The following ABL1 variants were observed in gnomAD, a reference collection of about 807,000 sequenced individuals.
The protein encoded by ABL1 is tyrosine-protein kinase ABL1.
ABL1 carries 11 observed loss-of-function variants against 94.7 expected under a neutral mutation model. That is an observed-to-expected ratio of 0.12 (90% CI 0.07 to 0.19). The LOEUF (loss-of-function observed/expected upper bound fraction) is 0.19, where lower values mean the gene tolerates loss of function less well. Ranked by LOEUF, ABL1 falls within the 10% of genes least tolerant of loss-of-function variation. The probability of loss-of-function intolerance (pLI) is 1.00; values close to 1 mark genes in which losing one functional copy is unlikely to be tolerated. For missense variants in ABL1, 1,082 were observed against 1,489.4 expected, an observed-to-expected ratio of 0.73 and a Z score of 4.50; for synonymous variants, 656 against 622.4, an observed-to-expected ratio of 1.05 and a Z score of -0.80.
At chr9:130,722,801 TAAAG>T (rs956686287) in intron 1 of ABL1, among the ~76,000 whole-genome samples, 2 of 152,146 alleles carry the variant, frequency 1.3e-5, no homozygotes, top group African/African-American at 4.8e-5. Context: ...GTGGGGTAAG[TAAAG>T]AAAGATGATC....
intron 4 of ABL1, among the ~76,000 whole-genome samples, chr9:130,867,501 A>G (rs1052543614): frequency 3.3e-5 from 5 of 152,230 alleles, no homozygotes; most frequent in African/African-American, 4.8e-5. Flanking sequence ...ATCAGGGACC[A>G]TGTGCATTTA....
Position 130,885,627 on chromosome 9 carries a change from G to T in ABL1, c.3337G>T (p.Asp1113Tyr). 1 of 1,613,296 alleles carries T rather than the reference G, an allele frequency of 6.2e-7. No homozygotes were observed. Among genetic ancestry groups the T allele is most frequent in the South Asian group, 1.1e-5 (1 of 91,056 alleles). Reference protein sequence around the residue: ...TAGSGPAATQDFSKLLSSVKE... With the variant: ...TAGSGPAATQYFSKLLSSVKE... ...AGGCAGTGGTCCAGCGGCCACTCAGGACTTCAGCAAGCTCCTCAGTTCGGT... is the reference window on the plus strand; with the variant it reads ...AGGCAGTGGTCCAGCGGCCACTCAGTACTTCAGCAAGCTCCTCAGTTCGGT... Residue 1113 changes from aspartate to tyrosine, a missense_variant, in exon 11 of 11, where the codon GAC becomes TAC. By Grantham distance (160) the Asp-to-Tyr change is radical. Around this residue, in one of 7 missense-constraint regions of ABL1, gnomAD observed 780 missense variants for 835.8 expected, o/e 0.93. Transcript: ENST00000318560.
intron 1 of ABL1, among the ~76,000 whole-genome samples, chr9:130,741,856 T>C (rs1177525373): frequency 6.6e-6 from 1 of 151,186 alleles, no homozygotes; most frequent in African/African-American, 2.5e-5. Flanking sequence ...AAGAACAACG[T>C]ACTGAAAAGG....
chr9:130,716,676 A>G (rs1209363558), intron 1 of ABL1, among the ~76,000 whole-genome samples: 1 of 152,192 alleles, frequency 6.6e-6, no homozygotes, highest in Non-Finnish European at 1.5e-5. Context: ...AATCTTTCAA[A>G]GAAAACAACA....
In ABL1 at chr9:130,855,033, C is replaced by T. The variant is rs1234864925; in HGVS notation, c.486C>T (p.Ser162=). Residue 162 remains serine, a synonymous_variant, in exon 3 of 11, where the codon TCC becomes TCT. Transcript: ENST00000318560. ...GTGAGAGCAGTCCTGGCCAGAGGTC[C>T]ATCTCGCTGAGATACGAAGGGAGGG... ...RESESSPGQR[S]ISLRYEGRVY... is the part of the protein sequence containing the mutation. 6 of 1,614,092 alleles carry T rather than the reference C, an allele frequency of 3.7e-6. No individual in the cohort carries two copies. The highest frequency in any genetic ancestry group is 1.6e-4 in the Middle Eastern group (1 of 6,084).
chr9:130,873,767 C>T (rs746224964), intron 6 of ABL1, among the ~76,000 whole-genome samples: 9 of 152,164 alleles, frequency 5.9e-5, no homozygotes, highest in Non-Finnish European at 1.0e-4. Context: ...GCTTTGCTGG[C>T]GTCTTTTATA....
intron 1 of ABL1, among the ~76,000 whole-genome samples, chr9:130,726,795 T>C (rs111385332): frequency 9.0e-4 from 137 of 152,292 alleles, no homozygotes; most frequent in Non-Finnish European, 1.6e-3. Flanking sequence ...TAATTTGTTC[T>C]TTATTTCTAG....
chr9:130,812,572 G>T (rs531252322), intron 1 of ABL1, among the ~76,000 whole-genome samples: 154 of 152,242 alleles, frequency 1.0e-3, no homozygotes, highest in Non-Finnish European at 1.8e-3. Context: ...ATTTTAAAAT[G>T]AATGTCACCA....
At chr9:130,739,782 C>T (rs1831793362) in intron 1 of ABL1, among the ~76,000 whole-genome samples, 1 of 152,158 alleles carries the variant, frequency 6.6e-6, no homozygotes, top group South Asian at 2.1e-4. Flanking sequence ...GATGCAGTGG[C>T]TCACGCTGCA....
intron 1 of ABL1, among the ~76,000 whole-genome samples, chr9:130,722,964 ATGTGT>A (rs1039404655): frequency 6.6e-5 from 10 of 152,212 alleles, no homozygotes; most frequent in Non-Finnish European, 1.0e-4. Context: ...GAACACACTG[ATGTGT>A]TGTGAAGTGT....
At position 130,880,568 on chromosome 9, in the gene ABL1, C is replaced by T. The variant is rs142060902; in HGVS notation, c.1582C>T (p.Leu528=). 2 of 1,613,856 alleles carry T rather than the reference C, an allele frequency of 1.2e-6. No individual in the cohort carries two copies. The highest frequency in any genetic ancestry group is 2.7e-5 in the African/African-American group (2 of 74,910). The change falls in exon 10 of 11, where the codon CTG becomes TTG. Residue 528 remains leucine (L), a synonymous_variant. Transcript: ENST00000318560. This position sits in a 1 kb window ranked among gnomAD's most constrained non-coding sequence, Gnocchi z 4.4. ...GAGTACCTTGCTGCAGGCCCCAGAGCTGCCCACCAAGACGAGGACCTCCAG... is the reference window on the plus strand; with the variant it reads ...GAGTACCTTGCTGCAGGCCCCAGAGTTGCCCACCAAGACGAGGACCTCCAG... ...AVSTLLQAPE[L]PTKTRTSRRA...
intron 1 of ABL1, among the ~76,000 whole-genome samples, chr9:130,745,284 A>T (rs899513230): frequency 2.0e-5 from 3 of 151,912 alleles, no homozygotes; most frequent in Non-Finnish European, 2.9e-5. Context: ...GGATTTCTCC[A>T]TGTTGGTCAA....
intron 1 of ABL1, among the ~76,000 whole-genome samples, chr9:130,812,200 CAA>C (rs35352789): frequency 8.2e-5 from 4 of 48,760 alleles, no homozygotes; most frequent in Middle Eastern, 9.1e-3. Flanking sequence ...TCCATCTCTA[CAA>C]AAAAAAAAAA....
intron 4 of ABL1, among the ~76,000 whole-genome samples, chr9:130,870,776 A>G (rs1201629360): frequency 6.6e-6 from 1 of 152,206 alleles, no homozygotes; most frequent in African/African-American, 2.4e-5. Context: ...TTAAAGAGCG[A>G]TAAATTGTTT....
At position 130,761,247 on chromosome 9, in the gene ABL1, G is replaced by A. The variant is rs550133950; in HGVS notation, c.136+46792G>A. Among the ~76,000 whole-genome samples, 30 of 152,264 alleles carry A rather than the reference G, an allele frequency of 2.0e-4. No individual in the cohort carries two copies. In the South Asian group the frequency reaches 5.8e-3, roughly 29 times the overall value. On this transcript the variant is annotated intron_variant, in intron 1 of 10. Transcript: ENST00000372348. ...CTCCCAAAGTGCTGGGATTACAGGC[G>A]TGAGCCACTGCGCCCGGCCTATTTC...
intron 1 of ABL1, among the ~76,000 whole-genome samples, chr9:130,792,496 C>T (rs1173242107): frequency 1.3e-5 from 2 of 152,016 alleles, no homozygotes; most frequent in African/African-American, 2.4e-5. Flanking sequence ...CTTCAGTTCT[C>T]CCCCTTTCTC....
chr9:130,729,342 C>T (rs1456073437), intron 1 of ABL1, among the ~76,000 whole-genome samples: 1 of 152,196 alleles, frequency 6.6e-6, no homozygotes, highest in Admixed American at 6.6e-5. Flanking sequence ...GGATGCCTCC[C>T]ACCTTCTTCT....
chr9:130,738,842 G>A (rs1432606760), intron 1 of ABL1, among the ~76,000 whole-genome samples: 10 of 152,174 alleles, frequency 6.6e-5, no homozygotes, highest in Admixed American at 5.9e-4. Flanking sequence ...GAGGATATAA[G>A]GAGAAAACAT....
At chr9:130,866,275 T>G (rs1470972156) in intron 4 of ABL1, among the ~76,000 whole-genome samples, 1 of 152,180 alleles carries the variant, frequency 6.6e-6, no homozygotes, top group Non-Finnish European at 1.5e-5. Flanking sequence ...TCTTCTTTTT[T>G]AAAATTGAAC....
Sources: allele counts gnomAD v4.1 joint callset (sites outside exome capture counted in the v4.1 genomes callset), GRCh38; gene constraint gnomAD v4.1.1; regional missense constraint gnomAD v4.1.1; non-coding constraint Gnocchi (gnomAD v3.1); transcripts MANE v1.5; gene names NCBI Gene and HGNC (gene_info 2026-07-23, HGNC 2026-07-21).